MACROH2A2: variants seen among roughly 807,000 people sequenced by gnomAD.
MACROH2A2 encodes core histone macro-H2A.2.
MACROH2A2 carries 6 observed loss-of-function variants against 37.6 expected under a neutral mutation model. The observed-to-expected ratio is 0.16, with a 90% CI of 0.09 to 0.32. The LOEUF (loss-of-function observed/expected upper bound fraction) is 0.32. MACROH2A2 is among the 10% of genes least tolerant of loss of function. MACROH2A2 has a pLI of 1.00. For synonymous variants in MACROH2A2, 192 were observed against 202.7 expected (o/e 0.95, Z 0.45); for missense variants, 290 against 485.9 (o/e 0.60, Z 3.79).
At chr10:70,056,689 G>A (rs2072019406) in intron 1 of MACROH2A2, among the ~76,000 whole-genome samples, 1 of 152,140 alleles carries the variant, frequency 6.6e-6, no homozygotes, top group South Asian at 2.1e-4. Flanking sequence ...GAGGCAGGTG[G>A]AAGGAAGCTG....
intron 1 of MACROH2A2, among the ~76,000 whole-genome samples, chr10:70,065,107 C>T (rs879426899): frequency 2.0e-5 from 3 of 150,756 alleles, no homozygotes; most frequent in Admixed American, 6.6e-5. Flanking sequence ...GTTGCAGTGG[C>T]AGGACCTTGG....
intron 2 of MACROH2A2, among the ~76,000 whole-genome samples, chr10:70,082,463 G>T (rs561817997): frequency 1.3e-5 from 2 of 151,620 alleles, no homozygotes; most frequent in South Asian, 4.2e-4. Flanking sequence ...AAGAGAGAAA[G>T]GACGCAAACA....
chr10:70,070,685 G>A (rs931462269), intron 1 of MACROH2A2, among the ~76,000 whole-genome samples: 4 of 152,030 alleles, frequency 2.6e-5, no homozygotes, highest in Non-Finnish European at 5.9e-5. Context: ...TAGAGTCGGG[G>A]TTTCATCATG....
chr10:70,088,489 T>C (rs1404700087), intron 2 of MACROH2A2, among the ~76,000 whole-genome samples: 2 of 152,184 alleles, frequency 1.3e-5, no homozygotes, highest in African/African-American at 4.8e-5. Context: ...GGAAAGCATA[T>C]AGATAGTAGA....
chr10:70,109,470 C>T (rs1180924343), intron 8 of MACROH2A2, among the ~76,000 whole-genome samples: 2 of 152,168 alleles, frequency 1.3e-5, no homozygotes, highest in Non-Finnish European at 2.9e-5. Context: ...GAAGGCTAGC[C>T]CAGGGGAGGA....
In MACROH2A2 at chr10:70,106,767, C is replaced by T. The variant is rs59573660; in HGVS notation, c.779-2266C>T. Among the ~76,000 whole-genome samples the T allele has an allele frequency of 2.1e-5, 3 of 143,636 alleles. No individual in the cohort carries two copies. In the East Asian group the frequency reaches 6.1e-4, roughly 29 times the overall value. The allele number at this position is 143,636 out of a possible 152,430, so 94.2% of individuals were successfully genotyped here. On this transcript the variant is annotated intron_variant, in intron 7 of 8. Transcript: ENST00000373255. ...GCAGTGAGCTGTGATCGAGCCACTG[C>T]ACTCCAGCCTGGGCAACAGAGGGGC...
chr10:70,065,971 C>A (rs1231086380), intron 1 of MACROH2A2, among the ~76,000 whole-genome samples: 1 of 152,000 alleles, frequency 6.6e-6, no homozygotes, highest in African/African-American at 2.4e-5. Flanking sequence ...TAAATGATAA[C>A]CTAAAGATCG....
intron 1 of MACROH2A2, among the ~76,000 whole-genome samples, chr10:70,054,593 T>C (rs1425080742): frequency 1.3e-5 from 2 of 152,230 alleles, no homozygotes; most frequent in Non-Finnish European, 2.9e-5. Context: ...GAAAACATTA[T>C]TAAGAGCGAG....
chr10:70,099,980 A>C (rs749696655), intron 6 of MACROH2A2, among the ~76,000 whole-genome samples: 28 of 152,040 alleles, frequency 1.8e-4, no homozygotes, highest in Non-Finnish European at 3.8e-4. Context: ...TGGCCAAATC[A>C]CCCCTTAAAA....
chr10:70,060,641 A>G (rs1053961328), intron 1 of MACROH2A2, among the ~76,000 whole-genome samples: 1 of 152,172 alleles, frequency 6.6e-6, no homozygotes, highest in African/African-American at 2.4e-5. Flanking sequence ...GCGCCTGCAC[A>G]CCTCTACTCC....
chr10:70,102,802 C>T (rs1047147735), intron 7 of MACROH2A2, among the ~76,000 whole-genome samples: 2 of 152,170 alleles, frequency 1.3e-5, no homozygotes, highest in African/African-American at 4.8e-5. Context: ...TAAATCTCCA[C>T]CCACTACTCC....
At chr10:70,105,263 C>T (rs1026764214) in intron 7 of MACROH2A2, among the ~76,000 whole-genome samples, 7 of 152,168 alleles carry the variant, frequency 4.6e-5, no homozygotes, top group African/African-American at 1.7e-4. Flanking sequence ...TGTGTGCTGT[C>T]GGGCGCAGGC....
chr10:70,069,700 C>T (rs1216598605), intron 1 of MACROH2A2, among the ~76,000 whole-genome samples: 2 of 152,042 alleles, frequency 1.3e-5, no homozygotes, highest in Non-Finnish European at 2.9e-5. Context: ...CAGGCTAATA[C>T]TTAAATGTAA....
intron 1 of MACROH2A2, among the ~76,000 whole-genome samples, chr10:70,062,168 T>A (rs1396660763): frequency 6.6e-6 from 1 of 152,228 alleles, no homozygotes; most frequent in African/African-American, 2.4e-5. Context: ...TTAAAATATA[T>A]TTCAATGTAT....
At chr10:70,067,163 TG>T (rs2072084301) in intron 1 of MACROH2A2, among the ~76,000 whole-genome samples, 1 of 152,116 alleles carries the variant, frequency 6.6e-6, no homozygotes, top group Admixed American at 6.5e-5. Flanking sequence ...GTTGATGAAA[TG>T]TTGTGACCAG....
intron 5 of MACROH2A2, among the ~76,000 whole-genome samples, chr10:70,094,594 G>A (rs970207496): frequency 1.3e-5 from 2 of 152,138 alleles, no homozygotes; most frequent in African/African-American, 4.8e-5. Context: ...GAAGAGCATC[G>A]GTGTGGCTGG....
At position 70,075,919 on chromosome 10, in the gene MACROH2A2, A is replaced by G; in HGVS notation, c.172+89A>G. ...CGCAGGCTGGGGAGGGATGCTCCAA[A>G]TTGCCTTTTGGCTGGCTCAAGGCTA... On this transcript the variant is annotated intron_variant, in intron 2 of 8. Transcript: ENST00000373255. This position sits in a 1 kb window ranked among gnomAD's most constrained non-coding sequence, Gnocchi z 5.0. 8.6e-7 allele frequency: 1 copy of G among 1,163,578 alleles called. No individual in the cohort carries two copies. Among genetic ancestry groups the G allele is most frequent in the Non-Finnish European group, 1.2e-6 (1 of 813,284 alleles). 72.1% of individuals were successfully genotyped at this position (1,163,578 alleles called of 1,614,324 possible). A position where few individuals can be genotyped will look rare whatever the true frequency, so the allele number is the denominator to read the frequency against.
intron 1 of MACROH2A2, among the ~76,000 whole-genome samples, chr10:70,061,390 C>T (rs2072049358): frequency 1.3e-5 from 2 of 152,208 alleles, no homozygotes; most frequent in African/African-American, 2.4e-5. Flanking sequence ...CATTTCTCAT[C>T]CAAGTACCAC....
At chr10:70,079,018 CA>C (rs2072157088) in intron 2 of MACROH2A2, among the ~76,000 whole-genome samples, 1 of 152,072 alleles carries the variant, frequency 6.6e-6, no homozygotes, top group African/African-American at 2.4e-5. Context: ...AGCAGAAAAC[CA>C]GCTAACTTGG....
Sources: allele counts gnomAD v4.1 joint callset (sites outside exome capture counted in the v4.1 genomes callset), GRCh38; gene constraint gnomAD v4.1.1; non-coding constraint Gnocchi (gnomAD v3.1); transcripts MANE v1.5; gene names NCBI Gene and HGNC (gene_info 2026-07-23, HGNC 2026-07-21).